SAMMSON: variants seen among roughly 807,000 people sequenced by gnomAD.
SAMMSON encodes survival associated mitochondrial melanoma specific oncogenic non-coding RNA, also known as long intergenic non-protein coding RNA 1212.
intron 7 of SAMMSON, among the ~76,000 whole-genome samples, chr3:70,338,067 T>C (rs542283419): frequency 6.6e-6 from 1 of 151,684 alleles, no homozygotes; most frequent in Non-Finnish European, 1.5e-5. Context: ...ATTTCAAATA[T>C]ATTTATTATA....
chr3:70,176,970 A>G (rs1701014138), intron 4 of SAMMSON, among the ~76,000 whole-genome samples: 1 of 152,142 alleles, frequency 6.6e-6, no homozygotes, highest in South Asian at 2.1e-4. Flanking sequence ...AATTTTATTA[A>G]AGGTCTATGA....
intron 4 of SAMMSON, among the ~76,000 whole-genome samples, chr3:70,177,005 C>T (rs1217937887): frequency 5.3e-5 from 8 of 151,988 alleles, no homozygotes; most frequent in South Asian, 2.1e-4. Context: ...GAGCTAAGGA[C>T]GAAAACTTTA....
chr3:70,150,482 A>G (rs750390390), intron 4 of SAMMSON, among the ~76,000 whole-genome samples: 7 of 152,046 alleles, frequency 4.6e-5, no homozygotes, highest in Non-Finnish European at 1.0e-4. Context: ...TAGAGATATG[A>G]TGTTAGTTAA....
intron 4 of SAMMSON, among the ~76,000 whole-genome samples, chr3:70,211,347 G>GCCCTT (rs1288857996): frequency 3.2e-4 from 1 of 3,148 alleles, no homozygotes; most frequent in African/African-American, 4.9e-4. Flanking sequence ...CCTTCCTTTT[G>GCCCTT]CCCTTCCCTT....
intron 3 of SAMMSON, among the ~76,000 whole-genome samples, chr3:70,062,938 A>G (rs1459404110): frequency 2.0e-5 from 3 of 152,092 alleles, no homozygotes; most frequent in Non-Finnish European, 4.4e-5. Context: ...GAAATACAGT[A>G]TTCCAAAAAT....
At chr3:70,275,003 A>G (rs1033478804) in intron 6 of SAMMSON, among the ~76,000 whole-genome samples, 1 of 152,088 alleles carries the variant, frequency 6.6e-6, no homozygotes, top group African/African-American at 2.4e-5. Flanking sequence ...AGATTCTCAG[A>G]ACCTTGTTTC....
chr3:70,399,671 G>C (rs781526080), intron 2 of SAMMSON, among the ~76,000 whole-genome samples: 1 of 151,978 alleles, frequency 6.6e-6, no homozygotes, highest in African/African-American at 2.4e-5. Flanking sequence ...TTTGAGACCA[G>C]CCTGGCCAAC....
intron 4 of SAMMSON, among the ~76,000 whole-genome samples, chr3:70,235,068 C>G (rs1024923527): frequency 1.3e-5 from 2 of 152,220 alleles, no homozygotes; most frequent in Non-Finnish European, 2.9e-5. Flanking sequence ...TATGATTGCA[C>G]TTTGCTGCAG....
intron 3 of SAMMSON, among the ~76,000 whole-genome samples, chr3:70,019,442 T>A (rs2067001144): frequency 6.6e-6 from 1 of 152,212 alleles, no homozygotes; most frequent in Non-Finnish European, 1.5e-5. Flanking sequence ...TTGGTAGATC[T>A]TCCTCCATCC....
intron 3 of SAMMSON, among the ~76,000 whole-genome samples, chr3:70,059,494 A>G (rs1248424424): frequency 6.6e-6 from 1 of 152,128 alleles, no homozygotes; most frequent in Non-Finnish European, 1.5e-5. Context: ...GGAACTAATC[A>G]TGTAAGTCCC....
At chr3:70,368,070 AT>A (rs1420387212) in intron 9 of SAMMSON, among the ~76,000 whole-genome samples, 1 of 150,120 alleles carries the variant, frequency 6.7e-6, no homozygotes, top group Non-Finnish European at 1.5e-5. Context: ...TTATCTTTTC[AT>A]TTTCTTAAGT....
intron 4 of SAMMSON, among the ~76,000 whole-genome samples, chr3:70,154,077 A>G (rs1239578540): frequency 6.6e-6 from 1 of 151,674 alleles, no homozygotes; most frequent in Non-Finnish European, 1.5e-5. Context: ...TAATACCAAA[A>G]TACTCCTTGA....
chr3:70,267,159 CTGAT>C (rs1389197159), intron 6 of SAMMSON, among the ~76,000 whole-genome samples: 1 of 152,056 alleles, frequency 6.6e-6, no homozygotes, highest in Non-Finnish European at 1.5e-5. Flanking sequence ...TAAATTTTCT[CTGAT>C]TGATTATGTA....
At chr3:70,078,819 C>T (rs963225208) in intron 4 of SAMMSON, among the ~76,000 whole-genome samples, 1 of 152,138 alleles carries the variant, frequency 6.6e-6, no homozygotes, top group Non-Finnish European at 1.5e-5. Context: ...AATTTTATGT[C>T]CTGGGCAACT....
intron 7 of SAMMSON, among the ~76,000 whole-genome samples, chr3:70,310,931 A>G (rs1386429255): frequency 6.6e-6 from 1 of 152,178 alleles, no homozygotes; most frequent in Non-Finnish European, 1.5e-5. Flanking sequence ...TAGGCAAGTT[A>G]CTAGAACTCT....
intron 4 of SAMMSON, among the ~76,000 whole-genome samples, chr3:70,148,080 A>C (rs1315909478): frequency 6.6e-6 from 1 of 152,134 alleles, no homozygotes; most frequent in Middle Eastern, 3.2e-3. Flanking sequence ...ACCCAAGATC[A>C]GATGCCACTA....
intron 7 of SAMMSON, among the ~76,000 whole-genome samples, chr3:70,320,243 A>G (rs907211383): frequency 6.6e-6 from 1 of 152,082 alleles, no homozygotes; most frequent in Non-Finnish European, 1.5e-5. Flanking sequence ...AGCAGTGGGA[A>G]AAGGGATCAT....
At chr3:70,285,775 T>C (rs1465944391) in intron 6 of SAMMSON, among the ~76,000 whole-genome samples, 25 of 152,116 alleles carry the variant, frequency 1.6e-4, no homozygotes, top group Non-Finnish European at 2.9e-5. Flanking sequence ...TGGTATCTCA[T>C]TGTGGTTTTG....
chr3:70,274,819 T>C (rs987930181), intron 6 of SAMMSON, among the ~76,000 whole-genome samples: 4 of 152,192 alleles, frequency 2.6e-5, no homozygotes, highest in Non-Finnish European at 4.4e-5. Context: ...AGGAATATTA[T>C]AAAAACTACT....
Sources: allele counts gnomAD v4.1 joint callset (sites outside exome capture counted in the v4.1 genomes callset), GRCh38; gene constraint gnomAD v4.1.1; transcripts MANE v1.5; gene names NCBI Gene and HGNC (gene_info 2026-07-23, HGNC 2026-07-21).